ITPR2: variants seen among roughly 807,000 people sequenced by gnomAD.
The protein encoded by ITPR2 is inositol 1,4,5-trisphosphate-gated calcium channel ITPR2.
In ITPR2, 207 loss-of-function variants were observed where a neutral mutation model predicts 317.1. The ratio of observed to expected loss-of-function variants is 0.65; its 90% CI spans 0.58 to 0.73. ITPR2 has a LOEUF of 0.73. ITPR2 is among the 30% of genes least tolerant of loss of function. ITPR2 has a pLI of 0.00. For synonymous variants in ITPR2, 1,156 were observed against 1,149.1 expected (o/e 1.01, Z -0.12); for missense variants, 2,613 against 3,284.0 (o/e 0.80, Z 4.99).
intron 2 of ITPR2, among the ~76,000 whole-genome samples, chr12:26,753,680 C>T (rs1242828455): frequency 6.6e-6 from 1 of 152,220 alleles, no homozygotes; most frequent in African/African-American, 2.4e-5. Context: ...ATTTGTGAGG[C>T]TAGTCTTAAG....
chr12:26,784,533 G>A (rs1313563466), intron 2 of ITPR2, among the ~76,000 whole-genome samples: 1 of 151,366 alleles, frequency 6.6e-6, no homozygotes, highest in African/African-American at 2.4e-5. Flanking sequence ...TGGTGGAGAC[G>A]GGGTTTTGCT....
intron 37 of ITPR2, among the ~76,000 whole-genome samples, chr12:26,507,851 C>A (rs1157917391): frequency 1.0e-5 from 1 of 99,774 alleles, no homozygotes; most frequent in East Asian, 2.3e-4. Flanking sequence ...CTCTACTCTT[C>A]TCTCTCTGTC....
At chr12:26,378,226 G>C (rs992117385) in intron 55 of ITPR2, among the ~76,000 whole-genome samples, 5 of 151,846 alleles carry the variant, frequency 3.3e-5, no homozygotes, top group African/African-American at 9.7e-5. Flanking sequence ...GGAAATAAAG[G>C]GTGGTGGGCT....
intron 2 of ITPR2, among the ~76,000 whole-genome samples, chr12:26,732,449 C>G (rs1949042707): frequency 6.6e-6 from 1 of 152,188 alleles, no homozygotes; most frequent in South Asian, 2.1e-4. Flanking sequence ...AAGTGACTGC[C>G]TGACCTCTTA....
intron 45 of ITPR2, among the ~76,000 whole-genome samples, chr12:26,452,782 G>T (rs1941771519): frequency 6.6e-6 from 1 of 152,014 alleles, no homozygotes; most frequent in African/African-American, 2.4e-5. Context: ...GATGCAGCAC[G>T]ATGCCCTCAC....
chr12:26,758,467 T>A (rs1452228261), intron 2 of ITPR2, among the ~76,000 whole-genome samples: 1 of 152,244 alleles, frequency 6.6e-6, no homozygotes, highest in Non-Finnish European at 1.5e-5. Flanking sequence ...GGATTCCCCA[T>A]CTTAACGCTA....
chr12:26,652,155 C>T (rs1040206987), intron 21 of ITPR2, among the ~76,000 whole-genome samples: 1 of 152,152 alleles, frequency 6.6e-6, no homozygotes, highest in African/African-American at 2.4e-5. Context: ...TTCTCTTCCC[C>T]AGTTTCTCCA....
chr12:26,626,692 C>A (rs1739486737), intron 23 of ITPR2, among the ~76,000 whole-genome samples: 1 of 152,210 alleles, frequency 6.6e-6, no homozygotes, highest in South Asian at 2.1e-4. Flanking sequence ...GGCATGCTGC[C>A]TTTTGATGGG....
Position 26,516,285 on chromosome 12 carries a change from G to GGGAATGGAAAGGAAA in ITPR2, c.5074-21026_5074-21025insTTTCCTTTCCATTCC, listed in dbSNP as rs1943504560. Among the ~76,000 whole-genome samples, 15 of 42,838 alleles carry GGGAATGGAAAGGAAA rather than the reference G, an allele frequency of 3.5e-4. 1 individual carries two copies. Among genetic ancestry groups the GGGAATGGAAAGGAAA allele is most frequent in the African/African-American group, 1.8e-3 (15 of 8,386 alleles). 28.1% of individuals were successfully genotyped at this position (42,838 alleles called of 152,430 possible). ...AGGAAAGGAAAGGAAGGGAAGGGAA[G>GGGAATGGAAAGGAAA]GGAAAGGAAAGGAAAGGAAAGGAAA... On this transcript the variant is annotated intron_variant, in intron 37 of 56. Transcript: ENST00000381340.
intron 37 of ITPR2, among the ~76,000 whole-genome samples, chr12:26,497,900 G>GT (rs1942981461): frequency 6.6e-6 from 1 of 151,610 alleles, no homozygotes; most frequent in East Asian, 1.9e-4. Flanking sequence ...GTTTTGTTTT[G>GT]TTTTTTGTAT....
At chr12:26,369,231 A>C (rs1177754929) in intron 55 of ITPR2, among the ~76,000 whole-genome samples, 4 of 152,362 alleles carry the variant, frequency 2.6e-5, no homozygotes, top group Non-Finnish European at 5.9e-5. Flanking sequence ...TAGAGTAGAA[A>C]GCCAGTGGAA....
At chr12:26,367,189 G>C (rs1939039379) in intron 55 of ITPR2, among the ~76,000 whole-genome samples, 1 of 151,598 alleles carries the variant, frequency 6.6e-6, no homozygotes, top group African/African-American at 2.4e-5. Context: ...AAAGATTGTT[G>C]TTGGAAATAT....
In ITPR2 at chr12:26,497,517, A is replaced by G. The variant is rs1032289009; in HGVS notation, c.5074-2257T>C. Among the ~76,000 whole-genome samples the G allele has an allele frequency of 4.5e-4, 7 of 15,716 alleles. No individual in the cohort carries two copies. The South Asian group carries it at 0.03, about 67-fold the overall frequency. The allele number at this position is 15,716 out of a possible 152,430, so 10.3% of individuals were successfully genotyped here. On this transcript the variant is annotated intron_variant, in intron 37 of 56. Transcript: ENST00000381340. ...TTGTTTTAGGCACCATTTTAAGTCA[A>G]TAAGATATAACCCACCCTCAAGAGT...
chr12:26,654,467 G>T (rs1403011029), intron 20 of ITPR2, among the ~76,000 whole-genome samples: 1 of 152,044 alleles, frequency 6.6e-6, no homozygotes. Flanking sequence ...TTAATAAATG[G>T]CTATTATCCA....
At position 26,387,709 on chromosome 12, in the gene ITPR2, T is replaced by G. The variant is rs996524139; in HGVS notation, c.7697-115A>C. 33 of 928,546 alleles carry G rather than the reference T, an allele frequency of 3.6e-5. No individual in the cohort carries two copies. The African/African-American group carries it at 5.5e-4, about 15-fold the overall frequency. 57.5% of individuals were successfully genotyped at this position (928,546 alleles called of 1,614,324 possible). On this transcript the variant is annotated intron_variant, in intron 54 of 56. Transcript: ENST00000381340. ...GAAAAAAATGCTTTCAGTAAGAGTG[T>G]GCCAATTTAAAATGCTATGATTAAA...
chr12:26,656,803 G>A (rs1261327099), intron 18 of ITPR2, among the ~76,000 whole-genome samples: 1 of 152,092 alleles, frequency 6.6e-6, no homozygotes, highest in Non-Finnish European at 1.5e-5. Flanking sequence ...GTGTCACTAG[G>A]CACTCCATTC....
chr12:26,531,038 T>G (rs1452049708), intron 37 of ITPR2, among the ~76,000 whole-genome samples: 1 of 152,220 alleles, frequency 6.6e-6, no homozygotes, highest in Non-Finnish European at 1.5e-5. Flanking sequence ...GTAGATTTGG[T>G]AAAATAAATC....
intron 55 of ITPR2, among the ~76,000 whole-genome samples, chr12:26,363,391 CAAAT>C: frequency 6.6e-6 from 1 of 152,222 alleles, no homozygotes; most frequent in East Asian, 1.9e-4. Flanking sequence ...AATGTAATAA[CAAAT>C]AAAGTGTGCA....
At chr12:26,694,815 C>G (rs767436087) in intron 10 of ITPR2, among the ~76,000 whole-genome samples, 1 of 152,156 alleles carries the variant, frequency 6.6e-6, no homozygotes, top group Admixed American at 6.6e-5. Context: ...CCTACCTCTA[C>G]GTTTAGAGAC....
Sources: allele counts gnomAD v4.1 joint callset (sites outside exome capture counted in the v4.1 genomes callset), GRCh38; gene constraint gnomAD v4.1.1; transcripts MANE v1.5; gene names NCBI Gene and HGNC (gene_info 2026-07-23, HGNC 2026-07-21).